The following NFIB variants were observed in gnomAD, a reference collection of about 807,000 sequenced individuals.
NFIB encodes nuclear factor I B.
Under a neutral mutation model 61.5 loss-of-function variants are expected in NFIB, and 11 were observed. The observed-to-expected ratio is 0.18, with a 90% confidence interval of 0.11 to 0.30. The LOEUF is 0.30. Among genes scored for constraint, NFIB ranks in the 10% least tolerant of loss-of-function variants. NFIB has a pLI of 1.00. For synonymous variants in NFIB, 260 were observed against 216.5 expected, an observed-to-expected ratio of 1.20 and a Z score of -1.76; for missense variants, 471 against 608.9, an observed-to-expected ratio of 0.77 and a Z score of 2.38.
intron 2 of NFIB, among the ~76,000 whole-genome samples, chr9:14,292,030 A>T (rs1241608409): frequency 6.6e-6 from 1 of 152,220 alleles, no homozygotes; most frequent in Non-Finnish European, 1.5e-5. Context: ...GTATAAAAGA[A>T]AAAACCTAGT....
chr9:14,193,855 A>G (rs2048211096), intron 2 of NFIB, among the ~76,000 whole-genome samples: 1 of 152,254 alleles, frequency 6.6e-6, no homozygotes, highest in Admixed American at 6.5e-5. Flanking sequence ...CATGTTGCCA[A>G]CTTTTTTTGG....
chr9:14,155,029 T>A (rs571538953), intron 4 of NFIB, among the ~76,000 whole-genome samples: 39 of 152,286 alleles, frequency 2.6e-4, no homozygotes, highest in African/African-American at 8.4e-4. Context: ...CTCCGAAGTG[T>A]GATGCATTCT....
intron 6 of NFIB, among the ~76,000 whole-genome samples, chr9:14,131,659 G>A (rs914034736): frequency 6.6e-6 from 1 of 152,216 alleles, no homozygotes; most frequent in African/African-American, 2.4e-5. Flanking sequence ...GCAGAAACGT[G>A]TTTACGTCAG....
At chr9:14,405,682 A>G in the NFIB span, among the ~76,000 whole-genome samples, 11,367 of 152,266 alleles carry the variant, frequency 0.075, 451 homozygotes, top group African/African-American at 0.086. Flanking sequence ...AATGTCAGAA[A>G]CTAGAGGTGT....
intron 1 of NFIB, among the ~76,000 whole-genome samples, chr9:14,398,094 AT>A (rs111390336): frequency 6.6e-6 from 1 of 152,076 alleles, no homozygotes. Flanking sequence ...CTGCTTATTG[AT>A]TTTTTTTAAG....
At chr9:14,363,016 T>C (rs1029141337) in intron 1 of NFIB, 4 of 152,192 alleles carry the variant, frequency 2.6e-5, no homozygotes, top group African/African-American at 7.2e-5. Context: ...TCCAAACTCT[T>C]GTGCCTAATT....
chr9:14,193,109 T>C (rs1183038764), intron 2 of NFIB, among the ~76,000 whole-genome samples: 1 of 151,470 alleles, frequency 6.6e-6, no homozygotes, highest in Non-Finnish European at 1.5e-5. Context: ...TGCATACTGA[T>C]ACATAAAAAT....
chr9:14,426,060 G>A, the NFIB span, among the ~76,000 whole-genome samples: 9 of 151,700 alleles, frequency 5.9e-5, no homozygotes, highest in South Asian at 1.9e-3. Flanking sequence ...TGCCTTTTTT[G>A]GAAATGCGTT....
At chr9:14,187,005 CTGTGTG>C (rs762584581) in intron 2 of NFIB, among the ~76,000 whole-genome samples, 4 of 64,154 alleles carry the variant, frequency 6.2e-5, no homozygotes, top group South Asian at 6.6e-4. Flanking sequence ...TTCTTCGCTC[CTGTGTG>C]TGTGTGTGTG....
intron 1 of NFIB, among the ~76,000 whole-genome samples, chr9:14,376,663 G>C (rs560523095): frequency 3.8e-4 from 58 of 151,976 alleles, no homozygotes; most frequent in Middle Eastern, 3.4e-3. Context: ...ATTACAGATG[G>C]AAGCTACCAC....
intron 2 of NFIB, among the ~76,000 whole-genome samples, chr9:14,207,288 G>T (rs2049841068): frequency 6.6e-6 from 1 of 152,200 alleles, no homozygotes; most frequent in Admixed American, 6.5e-5. Context: ...GACAGAAAAA[G>T]AGATACAGTC....
At chr9:14,386,081 T>C (rs2061546272) in intron 1 of NFIB, among the ~76,000 whole-genome samples, 1 of 152,158 alleles carries the variant, frequency 6.6e-6, no homozygotes, top group Admixed American at 6.5e-5. Flanking sequence ...CCACACTCGG[T>C]GACACGGTGG....
intron 2 of NFIB, among the ~76,000 whole-genome samples, chr9:14,216,713 A>C (rs770380514): frequency 6.6e-6 from 1 of 152,134 alleles, no homozygotes; most frequent in African/African-American, 2.4e-5. Context: ...GGTCAGGTCT[A>C]CCTAACAGCC....
rs1923780 is a variant in NFIB, at chr9:14,295,443, T to A, written c.562+11546A>T. 1.1e-4 allele frequency among the ~76,000 whole-genome samples: 16 copies of A among 151,768 alleles called. No individual in the cohort carries two copies. In the East Asian group the frequency reaches 1.6e-3, roughly 15 times the overall value. On this transcript the variant is annotated intron_variant, in intron 2 of 10. Coordinates refer to ENST00000380953, the MANE Select transcript of NFIB (RefSeq NM_001190737.2). ...AGATGGAGATCATCCTGGCTAACACTGTGAAACCCCGTCTCTACTAAACAT... is the reference window on the plus strand; with the variant it reads ...AGATGGAGATCATCCTGGCTAACACAGTGAAACCCCGTCTCTACTAAACAT...
chr9:14,268,860 C>T (rs2057404466), intron 2 of NFIB, among the ~76,000 whole-genome samples: 1 of 152,108 alleles, frequency 6.6e-6, no homozygotes, highest in Non-Finnish European at 1.5e-5. Context: ...TAGACATACC[C>T]AAAATTAGAA....
chr9:14,379,910 T>C (rs1340507533), intron 1 of NFIB, among the ~76,000 whole-genome samples: 1 of 152,018 alleles, frequency 6.6e-6, no homozygotes, highest in Non-Finnish European at 1.5e-5. Context: ...CTCGAACTCC[T>C]GACCTCAGGT....
chr9:14,416,034 G>C, the NFIB span, among the ~76,000 whole-genome samples: 7 of 152,134 alleles, frequency 4.6e-5, no homozygotes, highest in Admixed American at 4.6e-4. Flanking sequence ...AGGGAGAAAT[G>C]GGCTTGAATT....
the NFIB span, among the ~76,000 whole-genome samples, chr9:14,458,224 A>G: frequency 6.6e-6 from 1 of 152,244 alleles, no homozygotes; most frequent in Non-Finnish European, 1.5e-5. Context: ...ATGCAAATCA[A>G]TAAACATAAT....
chr9:14,111,462 T>C (rs993300371), intron 10 of NFIB, among the ~76,000 whole-genome samples: 14 of 152,148 alleles, frequency 9.2e-5, no homozygotes, highest in African/African-American at 3.4e-4. Context: ...AAAAATTAAC[T>C]GGAAATTAGA....
Sources: allele counts gnomAD v4.1 joint callset (sites outside exome capture counted in the v4.1 genomes callset), GRCh38; gene constraint gnomAD v4.1.1; transcripts MANE v1.5; gene names NCBI Gene and HGNC (gene_info 2026-07-23, HGNC 2026-07-21).